Variants in ME1 observed in about 807,000 individuals in gnomAD.
The protein encoded by ME1 is malic enzyme 1.
In ME1, 74 loss-of-function variants were observed where a neutral mutation model predicts 66.4. That is an observed-to-expected ratio of 1.11 (90% CI 0.92 to 1.35). The LOEUF (loss-of-function observed/expected upper bound fraction) is 1.35. ME1 is among the 40% of genes most tolerant of loss of function. The pLI is 0.00. For synonymous variants in ME1, 251 were observed against 235.6 expected (o/e 1.07, Z -0.60); for missense variants, 750 against 694.1 (o/e 1.08, Z -0.90).
chr6:83,384,749 T>C (rs752133232), intron 3 of ME1, among the ~76,000 whole-genome samples: 2 of 151,926 alleles, frequency 1.3e-5, no homozygotes, highest in Non-Finnish European at 2.9e-5. Flanking sequence ...AGTTTTCTTC[T>C]AGTGTTTTAT....
chr6:83,340,959 CA>C (rs1310243744), intron 5 of ME1, among the ~76,000 whole-genome samples: 3 of 151,986 alleles, frequency 2.0e-5, no homozygotes, highest in Non-Finnish European at 4.4e-5. Context: ...GACAAGCATT[CA>C]ACCAGTTTGA....
At chr6:83,370,805 C>T (rs1442076245) in intron 3 of ME1, among the ~76,000 whole-genome samples, 2 of 151,982 alleles carry the variant, frequency 1.3e-5, no homozygotes, top group Non-Finnish European at 2.9e-5. Flanking sequence ...CAGTTATATC[C>T]AGGGCCAATA....
At chr6:83,421,489 T>G (rs902459503) in intron 1 of ME1, among the ~76,000 whole-genome samples, 3 of 152,240 alleles carry the variant, frequency 2.0e-5, no homozygotes, top group African/African-American at 7.2e-5. Context: ...AGCAGCTATT[T>G]GAAGACTGAA....
chr6:83,344,453 T>C (rs1768648549), intron 5 of ME1, among the ~76,000 whole-genome samples: 1 of 152,150 alleles, frequency 6.6e-6, no homozygotes, highest in Admixed American at 6.6e-5. Context: ...TGTGGTGGCA[T>C]GTAACTGTAG....
Position 83,216,558 on chromosome 6 carries a change from C to T in ME1, c.1488G>A (p.Glu496=). Residue 496 remains glutamate (E), a synonymous_variant, in exon 13 of 14, where the codon GAG becomes GAA. Coordinates refer to ENST00000369705, the MANE Select transcript of ME1 (RefSeq NM_002395.6). ...TATTCAAAGGAGGATAAAGCCGACC[C>T]TCTTCCAAGTGTTTATCTGACACTT... ...AQQVSDKHLE[E]GRLYPPLNTI... is the part of the protein sequence containing the mutation. 6.2e-7 allele frequency: 1 copy of T among 1,611,088 alleles called. No homozygotes were observed. The highest frequency in any genetic ancestry group is 8.5e-7 in the Non-Finnish European group (1 of 1,179,444).
At chr6:83,371,567 T>C (rs917334258) in intron 3 of ME1, among the ~76,000 whole-genome samples, 1 of 152,180 alleles carries the variant, frequency 6.6e-6, no homozygotes, top group East Asian at 1.9e-4. Flanking sequence ...CAGAAAAATA[T>C]AAGCCATACA....
chr6:83,412,149 T>C (rs1273223814), intron 1 of ME1, among the ~76,000 whole-genome samples: 4 of 152,154 alleles, frequency 2.6e-5, no homozygotes, highest in African/African-American at 9.7e-5. Flanking sequence ...ACAGAACAAA[T>C]ATATTCTGTA....
intron 6 of ME1, among the ~76,000 whole-genome samples, chr6:83,286,710 A>G (rs1465766666): frequency 6.6e-6 from 1 of 152,228 alleles, no homozygotes; most frequent in Non-Finnish European, 1.5e-5. Context: ...AACACAAAGA[A>G]GTGATAAACA....
chr6:83,300,774 A>G (rs932480592), intron 6 of ME1, among the ~76,000 whole-genome samples: 1 of 152,082 alleles, frequency 6.6e-6, no homozygotes, highest in Admixed American at 6.5e-5. Context: ...ACTATTCACA[A>G]TAGCAAAGAC....
chr6:83,274,900 T>C (rs1583351501), intron 6 of ME1, among the ~76,000 whole-genome samples: 1 of 152,304 alleles, frequency 6.6e-6, no homozygotes, highest in East Asian at 1.9e-4. Context: ...CTCCCAGTGA[T>C]ATTTTACAAA....
chr6:83,405,813 C>T (rs1769931753), intron 2 of ME1, among the ~76,000 whole-genome samples: 1 of 150,654 alleles, frequency 6.6e-6, no homozygotes, highest in Admixed American at 6.6e-5. Context: ...GCTCCGCCTC[C>T]CGGGTTCACG....
At chr6:83,267,943 ATCAAT>A (rs1244631860) in intron 6 of ME1, among the ~76,000 whole-genome samples, 1 of 152,228 alleles carries the variant, frequency 6.6e-6, no homozygotes, top group Non-Finnish European at 1.5e-5. Flanking sequence ...AGCCTAAGTG[ATCAAT>A]TCAAGTGTCA....
At chr6:83,357,921 C>T (rs1270169933) in intron 3 of ME1, among the ~76,000 whole-genome samples, 2 of 55,584 alleles carry the variant, frequency 3.6e-5, no homozygotes, top group African/African-American at 5.9e-5. Flanking sequence ...CTCTCTCTCT[C>T]TCTCTCTCTC....
At chr6:83,361,563 G>A (rs765894819) in intron 3 of ME1, among the ~76,000 whole-genome samples, 1 of 152,244 alleles carries the variant, frequency 6.6e-6, no homozygotes, top group Non-Finnish European at 1.5e-5. Flanking sequence ...GGCAGATAGG[G>A]ATGCTGTTTG....
At chr6:83,223,977 T>A (rs1373240471) in intron 11 of ME1, 44 bp from the exon 12 acceptor site, 1 of 1,560,432 alleles carries the variant, frequency 6.4e-7, no homozygotes, top group African/African-American at 1.4e-5. Flanking sequence ...AGAAGCAGAA[T>A]ATTTTAAAAC....
chr6:83,221,644 C>T (rs1254758229), intron 12 of ME1, among the ~76,000 whole-genome samples: 1 of 151,826 alleles, frequency 6.6e-6, no homozygotes, highest in Non-Finnish European at 1.5e-5. Context: ...ACCCAACAGG[C>T]AACTGGAGAT....
At chr6:83,255,497 T>C (rs563067440) in intron 6 of ME1, among the ~76,000 whole-genome samples, 6 of 152,116 alleles carry the variant, frequency 3.9e-5, no homozygotes, top group African/African-American at 1.4e-4. Context: ...TCTACATATA[T>C]TTATTTAACT....
chr6:83,305,408 C>A (rs1767806181), intron 6 of ME1, among the ~76,000 whole-genome samples: 1 of 151,972 alleles, frequency 6.6e-6, no homozygotes, highest in African/African-American at 2.4e-5. Context: ...GAAGATGGGA[C>A]AGGTTTCAGT....
chr6:83,217,333 G>A (rs1340071913), intron 12 of ME1, among the ~76,000 whole-genome samples: 1 of 151,990 alleles, frequency 6.6e-6, no homozygotes, highest in Non-Finnish European at 1.5e-5. Context: ...ATGCAGAGAG[G>A]GAGTAGGAAA....
Sources: allele counts gnomAD v4.1 joint callset (sites outside exome capture counted in the v4.1 genomes callset), GRCh38; gene constraint gnomAD v4.1.1; transcripts MANE v1.5; gene names NCBI Gene and HGNC (gene_info 2026-07-23, HGNC 2026-07-21).